Variants in SLC44A5 observed in about 807,000 individuals in gnomAD.
The protein encoded by SLC44A5 is solute carrier family 44 member 5, also known as choline transporter-like protein 5.
In SLC44A5, 57 loss-of-function variants were observed where a neutral mutation model predicts 101.8. The ratio of observed to expected loss-of-function variants is 0.56; its 90% CI spans 0.45 to 0.70. The LOEUF (loss-of-function observed/expected upper bound fraction) is 0.70, where lower values mean the gene tolerates loss of function less well. Among genes scored for constraint, SLC44A5 ranks in the 30% least tolerant of loss-of-function variants. The pLI is 0.00. For missense variants in SLC44A5, 737 were observed against 853.1 expected (o/e 0.86, Z 1.70); for synonymous variants, 281 against 290.9 (o/e 0.97, Z 0.35).
At chr1:75,386,734 A>G (rs905134469) in intron 3 of SLC44A5, among the ~76,000 whole-genome samples, 1 of 151,304 alleles carries the variant, frequency 6.6e-6, no homozygotes, top group Non-Finnish European at 1.5e-5. Flanking sequence ...GGAACCAAAA[A>G]AGAGCCCGCA....
intron 4 of SLC44A5, among the ~76,000 whole-genome samples, chr1:75,318,419 GAAA>G (rs1268189843): frequency 2.1e-5 from 3 of 140,548 alleles, no homozygotes; most frequent in Non-Finnish European, 4.8e-5. Flanking sequence ...AAGAAAGAAA[GAAA>G]GAAAGAAAGA....
At chr1:75,692,307 C>A in the SLC44A5 span, among the ~76,000 whole-genome samples, 1 of 150,922 alleles carries the variant, frequency 6.6e-6, no homozygotes, top group African/African-American at 2.5e-5. Context: ...GATTCTCCTG[C>A]CTCAGCCTCC....
chr1:75,541,926 G>A (rs1671373512), intron 1 of SLC44A5, among the ~76,000 whole-genome samples: 1 of 152,120 alleles, frequency 6.6e-6, no homozygotes, highest in African/African-American at 2.4e-5. Context: ...GGTGGTGGAT[G>A]ACATTTTTGT....
Position 75,577,750 on chromosome 1 carries a change from T to G in SLC44A5, c.-70+33290A>C, listed in dbSNP as rs577247548. Among the ~76,000 whole-genome samples the G allele has an allele frequency of 3.3e-5, 5 of 152,336 alleles. No individual in the cohort carries two copies. The East Asian group carries it at 9.6e-4, about 29-fold the overall frequency. ...CTGAGAGCAGAGCTACTTCTCTGTTTGATTCCTCATTGTATATCCCCATAT... is the reference window on the plus strand; with the variant it reads ...CTGAGAGCAGAGCTACTTCTCTGTTGGATTCCTCATTGTATATCCCCATAT... On this transcript the variant is annotated intron_variant, in intron 1 of 23. Coordinates refer to ENST00000370859, the MANE Select transcript of SLC44A5 (RefSeq NM_001130058.2).
intron 3 of SLC44A5, among the ~76,000 whole-genome samples, chr1:75,343,465 C>A (rs996949919): frequency 4.6e-5 from 7 of 152,152 alleles, no homozygotes; most frequent in Non-Finnish European, 1.0e-4. Context: ...TAGAAAGACT[C>A]TTTTCTTTAA....
chr1:75,437,714 A>G (rs1338368285), intron 2 of SLC44A5, among the ~76,000 whole-genome samples: 1 of 152,170 alleles, frequency 6.6e-6, no homozygotes, highest in Admixed American at 6.6e-5. Context: ...AATGATTAGC[A>G]TCATCTCCAA....
intron 3 of SLC44A5, among the ~76,000 whole-genome samples, chr1:75,384,649 G>C (rs1466548189): frequency 1.7e-5 from 2 of 117,884 alleles, no homozygotes; most frequent in African/African-American, 6.6e-5. Flanking sequence ...ACAGATCAAT[G>C]AGACAGAAAG....
intron 1 of SLC44A5, among the ~76,000 whole-genome samples, chr1:75,562,019 GATAAA>G (rs1205106428): frequency 6.6e-6 from 1 of 151,858 alleles, no homozygotes; most frequent in Non-Finnish European, 1.5e-5. Context: ...ATACTTTGGT[GATAAA>G]ATAATATGTA....
intron 1 of SLC44A5, among the ~76,000 whole-genome samples, chr1:75,583,089 G>C (rs1030773027): frequency 6.6e-6 from 1 of 152,112 alleles, no homozygotes; most frequent in Non-Finnish European, 1.5e-5. Context: ...GATTTGGAAC[G>C]TCCCCTCCTG....
Position 75,203,425 on chromosome 1 carries a change from G to C in SLC44A5, c.*302C>G, listed in dbSNP as rs1028802032. On this transcript the variant is annotated 3_prime_UTR_variant, in exon 24 of 24. Coordinates refer to ENST00000370859, the MANE Select transcript of SLC44A5 (RefSeq NM_001130058.2). ...AGTAATGTATCATTTTTCAATCTAA[G>C]ATTTAAAAGAATATTAACATATTCA... 3.0e-5 allele frequency: 6 copies of C among 201,632 alleles called. No individual in the cohort carries two copies. 12.5% of individuals were successfully genotyped at this position (201,632 alleles called of 1,614,324 possible). A position where few individuals can be genotyped will look rare whatever the true frequency, so the allele number is the denominator to read the frequency against.
intron 2 of SLC44A5, among the ~76,000 whole-genome samples, chr1:75,497,324 C>A (rs1433996699): frequency 2.0e-5 from 3 of 151,890 alleles, no homozygotes; most frequent in African/African-American, 7.3e-5. Flanking sequence ...GGAAATCCTG[C>A]CATTTGTTAC....
chr1:75,454,194 A>G (rs1666059927), intron 2 of SLC44A5, among the ~76,000 whole-genome samples: 1 of 152,102 alleles, frequency 6.6e-6, no homozygotes, highest in South Asian at 2.1e-4. Context: ...AAAAAATGTA[A>G]TTCTCCATGA....
intron 3 of SLC44A5, among the ~76,000 whole-genome samples, chr1:75,375,989 G>A (rs1198499989): frequency 6.6e-6 from 1 of 152,208 alleles, no homozygotes; most frequent in Non-Finnish European, 1.5e-5. Context: ...TGCACCGTGT[G>A]CGAGCCGAAG....
In SLC44A5 at chr1:75,574,273, G is replaced by A. The variant is rs376638818; in HGVS notation, c.-69-32757C>T. Among the ~76,000 whole-genome samples, 10 of 152,268 alleles carry A rather than the reference G, an allele frequency of 6.6e-5. No homozygotes were observed. In the South Asian group the frequency reaches 2.1e-3, roughly 32 times the overall value. ...ATTGCAGTAATATAGTTTTAAGAAA[G>A]CAATGTGGACAGAGAGTCCACATTG... On this transcript the variant is annotated intron_variant, in intron 1 of 23. Coordinates refer to ENST00000370859, the MANE Select transcript of SLC44A5 (RefSeq NM_001130058.2).
At chr1:75,641,390 G>A in the SLC44A5 span, 5 of 932,910 alleles carry the variant, frequency 5.4e-6, no homozygotes, top group East Asian at 1.2e-4. Context: ...ATGTGTATAT[G>A]AGCTTGATTT....
At chr1:75,420,404 C>T (rs375080491) in intron 2 of SLC44A5, among the ~76,000 whole-genome samples, 5 of 152,016 alleles carry the variant, frequency 3.3e-5, no homozygotes, top group South Asian at 2.1e-4. Flanking sequence ...AACAAAGGAA[C>T]GCAGAACAGA....
At chr1:75,479,725 C>A (rs868320377) in intron 2 of SLC44A5, among the ~76,000 whole-genome samples, 1 of 152,192 alleles carries the variant, frequency 6.6e-6, no homozygotes, top group African/African-American at 2.4e-5. Flanking sequence ...TCTGAATAGA[C>A]CAATAACAGG....
the SLC44A5 span, among the ~76,000 whole-genome samples, chr1:75,619,219 CGGAG>C: frequency 2.9e-5 from 4 of 139,652 alleles, no homozygotes; most frequent in African/African-American, 1.1e-4. Flanking sequence ...AAGAAAGGGA[CGGAG>C]AGCAGGAGGG....
At chr1:75,530,167 G>A (rs770838269) in intron 2 of SLC44A5, among the ~76,000 whole-genome samples, 20 of 151,992 alleles carry the variant, frequency 1.3e-4, no homozygotes, top group Non-Finnish European at 2.5e-4. Context: ...AAGAAAAATA[G>A]TTTTCATTGT....
Sources: allele counts gnomAD v4.1 joint callset (sites outside exome capture counted in the v4.1 genomes callset), GRCh38; gene constraint gnomAD v4.1.1; transcripts MANE v1.5; gene names NCBI Gene and HGNC (gene_info 2026-07-23, HGNC 2026-07-21).